NELL1: variants seen among roughly 807,000 people sequenced by gnomAD.
NELL1 encodes the protein protein kinase C-binding protein NELL1.
NELL1 carries 76 observed loss-of-function variants against 107.4 expected under a neutral mutation model. The observed-to-expected ratio is 0.71, with a 90% CI of 0.59 to 0.86. The LOEUF (loss-of-function observed/expected upper bound fraction) is 0.86, where lower values mean the gene tolerates loss of function less well. NELL1 is among the 40% of genes least tolerant of loss of function. NELL1 has a pLI of 0.00. For synonymous variants in NELL1, 353 were observed against 341.2 expected, an observed-to-expected ratio of 1.03 and a Z score of -0.38; for missense variants, 1,024 against 1,005.5, an observed-to-expected ratio of 1.02 and a Z score of -0.25.
chr11:20,872,886 T>A (rs1849231346), intron 4 of NELL1, among the ~76,000 whole-genome samples: 1 of 152,176 alleles, frequency 6.6e-6, no homozygotes, highest in African/African-American at 2.4e-5. Flanking sequence ...TACATGAGGA[T>A]GTCACACATG....
chr11:21,097,577 A>G (rs1254478998), intron 12 of NELL1, among the ~76,000 whole-genome samples: 8 of 152,062 alleles, frequency 5.3e-5, no homozygotes, highest in Admixed American at 3.3e-4. Flanking sequence ...GAGATGTGCA[A>G]TTTCGGGGGA....
chr11:21,284,259 AC>A (rs1849061137), intron 14 of NELL1: 1 of 457,058 alleles, frequency 2.2e-6, no homozygotes, highest in Non-Finnish European at 4.4e-6. Context: ...GAGACCTGGC[AC>A]AAAGATGTAG....
intron 4 of NELL1, among the ~76,000 whole-genome samples, chr11:20,872,429 C>T (rs921199066): frequency 2.6e-5 from 4 of 152,116 alleles, no homozygotes; most frequent in Non-Finnish European, 4.4e-5. Flanking sequence ...GATCTGCCCA[C>T]CTTGGCTTCC....
At chr11:20,910,496 T>A (rs992986788) in intron 5 of NELL1, among the ~76,000 whole-genome samples, 1 of 152,180 alleles carries the variant, frequency 6.6e-6, no homozygotes, top group African/African-American at 2.4e-5. Context: ...CTCACCACAG[T>A]TTGAGAGTGT....
intron 5 of NELL1, among the ~76,000 whole-genome samples, chr11:20,908,540 C>T (rs924504204): frequency 1.3e-5 from 2 of 152,026 alleles, no homozygotes; most frequent in South Asian, 2.1e-4. Context: ...GAACATCACA[C>T]ACTGGGGCCT....
chr11:21,187,620 T>C (rs1026004290), intron 13 of NELL1, among the ~76,000 whole-genome samples: 4 of 151,776 alleles, frequency 2.6e-5, no homozygotes, highest in African/African-American at 7.3e-5. Flanking sequence ...TTGTCTATTA[T>C]TGTCACTCTA....
At chr11:21,533,203 C>T (rs565829842) in intron 15 of NELL1, among the ~76,000 whole-genome samples, 1 of 152,072 alleles carries the variant, frequency 6.6e-6, no homozygotes, top group Non-Finnish European at 1.5e-5. Flanking sequence ...GCCAGAATGC[C>T]TTGAGATGAC....
intron 15 of NELL1, among the ~76,000 whole-genome samples, chr11:21,424,537 C>A (rs1852772348): frequency 6.6e-6 from 1 of 152,098 alleles, no homozygotes; most frequent in African/African-American, 2.4e-5. Context: ...AGAAGAATCG[C>A]TTGAACCTGG....
intron 5 of NELL1, among the ~76,000 whole-genome samples, chr11:20,907,316 T>A (rs927906229): frequency 4.6e-5 from 7 of 151,900 alleles, no homozygotes; most frequent in Non-Finnish European, 1.0e-4. Flanking sequence ...AAAGTATTTT[T>A]AAATTATGTA....
intron 15 of NELL1, among the ~76,000 whole-genome samples, chr11:21,522,750 C>G (rs914486650): frequency 6.6e-6 from 1 of 150,846 alleles, no homozygotes. Flanking sequence ...AGTGTTATAT[C>G]TTCTTGGCCA....
chr11:20,871,130 A>G (rs1849187993), intron 4 of NELL1, among the ~76,000 whole-genome samples: 1 of 152,188 alleles, frequency 6.6e-6, no homozygotes, highest in Non-Finnish European at 1.5e-5. Context: ...TTATTCAGCT[A>G]ATACTGTGCT....
chr11:20,698,750 GTGTACAC>G (rs1397921871), intron 2 of NELL1, among the ~76,000 whole-genome samples: 1 of 152,138 alleles, frequency 6.6e-6, no homozygotes, highest in Non-Finnish European at 1.5e-5. Context: ...GACCTGGGTA[GTGTACAC>G]TGTACCTAAT....
In NELL1 at chr11:20,918,233, C is replaced by G; in HGVS notation, c.655C>G (p.Gln219Glu). 1 of 1,589,742 alleles carries G rather than the reference C, an allele frequency of 6.3e-7. No homozygotes were observed. The highest frequency in any genetic ancestry group is 8.6e-7 in the Non-Finnish European group (1 of 1,158,780). Residue 219 changes from glutamine (Q) to glutamate (E), a missense_variant, in exon 6 of 20, where the codon CAG (glutamine) becomes GAG (glutamate). Gln to Glu is a conservative substitution (Grantham distance 29, BLOSUM62 2). Coordinates refer to ENST00000357134, the MANE Select transcript of NELL1 (RefSeq NM_006157.5). ...IIFMPNGYIT[Q>E]CPNLNHTCPT... The stretch of plus-strand genomic sequence containing the variant: ...CTTTATGCCGAATGGATATATAACA[C>G]AGTGTCCAAATCTAAATCACAGTAA...
chr11:20,941,684 A>C lies in NELL1; in HGVS notation c.1071+3825A>C, dbSNP rs183192450. On this transcript the variant is annotated intron_variant, in intron 10 of 19. Coordinates refer to ENST00000357134, the MANE Select transcript of NELL1 (RefSeq NM_006157.5). ...TTTTCTGCCTAACATTAGCTGGGAC[A>C]CACTAGTCAGAATAGCAACACTTCT... is the stretch of plus-strand genomic sequence containing the variant. Among the ~76,000 whole-genome samples the C allele has an allele frequency of 3.6e-3, 544 of 152,346 alleles. 4 individuals carry two copies. The highest frequency in any genetic ancestry group is 0.013 in the African/African-American group (529 of 41,576).
At chr11:21,440,055 A>G (rs1853238410) in intron 15 of NELL1, among the ~76,000 whole-genome samples, 1 of 152,156 alleles carries the variant, frequency 6.6e-6, no homozygotes, top group Non-Finnish European at 1.5e-5. Context: ...ATTATCTACT[A>G]TTACATACAG....
intron 12 of NELL1, among the ~76,000 whole-genome samples, chr11:21,001,679 A>G (rs954031505): frequency 6.6e-6 from 1 of 151,816 alleles, no homozygotes; most frequent in African/African-American, 2.4e-5. Flanking sequence ...TAGAGAAAAT[A>G]AGAGAGCCTC....
intron 13 of NELL1, among the ~76,000 whole-genome samples, chr11:21,213,604 A>G (rs1347581697): frequency 2.6e-5 from 4 of 152,186 alleles, no homozygotes; most frequent in Admixed American, 1.3e-4. Flanking sequence ...CTTTATAGAT[A>G]CTATATTCAA....
chr11:21,005,890 T>C (rs1310421550), intron 12 of NELL1, among the ~76,000 whole-genome samples: 1 of 152,142 alleles, frequency 6.6e-6, no homozygotes, highest in Admixed American at 6.6e-5. Context: ...TATAGCAAAG[T>C]AGCAATCACA....
At chr11:20,764,015 T>G (rs2133960750) in intron 2 of NELL1, among the ~76,000 whole-genome samples, 1 of 152,380 alleles carries the variant, frequency 6.6e-6, no homozygotes, top group African/African-American at 2.4e-5. Context: ...CAACTCTGCA[T>G]TCACTGCACT....
Sources: gnomAD v4.1 joint callset for allele counts (sites outside exome capture counted in the v4.1 genomes callset) on GRCh38, gnomAD v4.1.1 for gene constraint, MANE v1.5 for transcripts, NCBI Gene and HGNC (gene_info 2026-07-23, HGNC 2026-07-21) for gene names.